SNAP91: variants seen among roughly 807,000 people sequenced by gnomAD.
SNAP91 encodes synaptosome associated protein 91, also known as clathrin coat assembly protein AP180.
Under a neutral mutation model 100.3 loss-of-function variants are expected in SNAP91, and 27 were observed. The ratio of observed to expected loss-of-function variants is 0.27; its 90% CI spans 0.20 to 0.37. The LOEUF is 0.37. Among genes scored for constraint, SNAP91 ranks in the 10% least tolerant of loss-of-function variants. SNAP91 has a pLI of 1.00. For missense variants in SNAP91, 986 were observed against 1,123.7 expected, an observed-to-expected ratio of 0.88 and a Z score of 1.75; for synonymous variants, 404 against 398.6, an observed-to-expected ratio of 1.01 and a Z score of -0.16.
chr6:83,660,328 A>T (rs373267936), intron 5 of SNAP91, among the ~76,000 whole-genome samples: 7 of 152,228 alleles, frequency 4.6e-5, no homozygotes, highest in African/African-American at 1.4e-4. Flanking sequence ...TAAAGTATTC[A>T]TCTACAATAA....
rs750966269 is a variant in SNAP91 at position 83,611,863 on chromosome 6, ATTTTTTTTTTTTTTTTT to A, written c.885-1203_885-1187del. On this transcript the variant is annotated intron_variant, in intron 11 of 29. Transcript: ENST00000369694. ...AGGCGCCTGCCACCACGCCCGGCTA[ATTTTTTTTTTTTTTTTT>A]TTTTTTTTTTTTTTGGATTTTTAGT... 4.2e-4 allele frequency among the ~76,000 whole-genome samples: 38 copies of A among 91,260 alleles called. 1 individual carries two copies. Among genetic ancestry groups the A allele is most frequent in the African/African-American group, 1.3e-3 (26 of 20,008 alleles). The allele number at this position is 91,260 out of a possible 152,430, so 59.9% of individuals were successfully genotyped here.
chr6:83,641,117 A>T lies in SNAP91; in HGVS notation c.744T>A (p.Ser248=). 6.5e-7 allele frequency: 1 copy of T among 1,534,692 alleles called. No homozygotes were observed. Among genetic ancestry groups the T allele is most frequent in the Non-Finnish European group, 8.8e-7 (1 of 1,142,816 alleles). Reference sequence around the variant, plus strand: ...TTACCTCTGCAACCTTGAGAAATTCAGACACTCGTGTCATTCTAGTTAGAA... The same window carrying T: ...TTACCTCTGCAACCTTGAGAAATTCTGACACTCGTGTCATTCTAGTTAGAA... ...KRFLTRMTRV[S]EFLKVAEQVG... is the part of the protein sequence containing the mutation. The change falls in exon 8 of 30, where the codon TCT becomes TCA. Residue 248 remains serine (S), a synonymous_variant. Transcript: ENST00000369694.
chr6:83,638,665 AG>A (rs1269909108), intron 8 of SNAP91, among the ~76,000 whole-genome samples: 1 of 152,204 alleles, frequency 6.6e-6, no homozygotes, highest in Non-Finnish European at 1.5e-5. Flanking sequence ...AAATCAGTTC[AG>A]GAAAAGGTGA....
chr6:83,705,712 GAGGC>G (rs1344112002), intron 2 of SNAP91, among the ~76,000 whole-genome samples: 1 of 152,040 alleles, frequency 6.6e-6, no homozygotes, highest in Non-Finnish European at 1.5e-5. Flanking sequence ...TCAGGAGGCT[GAGGC>G]AGGAGAATCA....
chr6:83,708,063 TC>T, intron 1 of SNAP91, 106 bp from the exon 2 acceptor site: 2 of 964,260 alleles, frequency 2.1e-6, no homozygotes, highest in Non-Finnish European at 2.9e-6. Context: ...TCCTCCTCCA[TC>T]CCCACCCTGG....
rs371120588 is a variant in SNAP91 at position 83,556,186 on chromosome 6, T to C, written c.2691A>G (p.Pro897=). The change falls in exon 29 of 30, where the codon CCA becomes CCG. Residue 897 remains proline, a synonymous_variant. Transcript: ENST00000369694. ...AATCCTTGATGTTAAGATCCGCTAATGGGTCCTTTGCTGGAGGTTTCTTGG... is the reference window on the plus strand; with the variant it reads ...AATCCTTGATGTTAAGATCCGCTAACGGGTCCTTTGCTGGAGGTTTCTTGG... The part of the protein sequence containing the change: ...QSPKKPPAKD[P]LADLNIKDFL The C allele has an allele frequency of 1.3e-6, 2 of 1,573,678 alleles. No individual in the cohort carries two copies. Among genetic ancestry groups the C allele is most frequent in the Non-Finnish European group, 1.7e-6 (2 of 1,159,258 alleles).
chr6:83,645,216 C>G (rs951405766), intron 7 of SNAP91, among the ~76,000 whole-genome samples: 1 of 151,536 alleles, frequency 6.6e-6, no homozygotes, highest in African/African-American at 2.4e-5. Flanking sequence ...ACCATAGTGA[C>G]TATGCACAGG....
At chr6:83,631,348 G>C (rs11963447) in intron 8 of SNAP91, among the ~76,000 whole-genome samples, 8,048 of 152,176 alleles carry the variant, frequency 0.053, 709 homozygotes, top group African/African-American at 0.18. Flanking sequence ...ATATACATCT[G>C]TTAAGTCCAT....
chr6:83,572,023 C>A (rs145278028), intron 26 of SNAP91, among the ~76,000 whole-genome samples: 1 of 152,242 alleles, frequency 6.6e-6, no homozygotes, highest in Non-Finnish European at 1.5e-5. Context: ...CCTTGTCTTC[C>A]GCCATGATTG....
At chr6:83,632,346 C>A (rs1003197733) in intron 8 of SNAP91, among the ~76,000 whole-genome samples, 2 of 152,122 alleles carry the variant, frequency 1.3e-5, no homozygotes, top group African/African-American at 4.8e-5. Context: ...TAACATTAGA[C>A]AACCTGATGA....
chr6:83,691,772 CT>C (rs1353042136), intron 2 of SNAP91, among the ~76,000 whole-genome samples: 6 of 152,076 alleles, frequency 3.9e-5, no homozygotes, highest in Non-Finnish European at 7.4e-5. Flanking sequence ...AAGCAATAAT[CT>C]TCGTTAACAA....
At chr6:83,673,834 T>G (rs2098822800) in intron 2 of SNAP91, among the ~76,000 whole-genome samples, 1 of 152,192 alleles carries the variant, frequency 6.6e-6, no homozygotes. Flanking sequence ...TAGCTAGATA[T>G]GTAAGCAGCA....
At chr6:83,621,432 C>T (rs1470698511) in intron 9 of SNAP91, among the ~76,000 whole-genome samples, 3 of 152,066 alleles carry the variant, frequency 2.0e-5, no homozygotes, top group Non-Finnish European at 4.4e-5. Context: ...TGAATTTCTA[C>T]CATAGAATAG....
At chr6:83,699,189 A>G (rs2099260853) in intron 2 of SNAP91, among the ~76,000 whole-genome samples, 1 of 152,178 alleles carries the variant, frequency 6.6e-6, no homozygotes, top group Non-Finnish European at 1.5e-5. Flanking sequence ...AAATTACAAA[A>G]CACATGAGGA....
intron 4 of SNAP91, among the ~76,000 whole-genome samples, chr6:83,661,828 AAT>A (rs1400980236): frequency 6.6e-6 from 1 of 152,212 alleles, no homozygotes; most frequent in African/African-American, 2.4e-5. Flanking sequence ...TCCAGTACAG[AAT>A]ATGTTTTTAA....
intron 14 of SNAP91, among the ~76,000 whole-genome samples, chr6:83,603,461 C>T (rs11754643): frequency 0.17 from 26,419 of 151,718 alleles, 2,932 homozygotes; most frequent in South Asian, 0.27. Context: ...AACTACTGGG[C>T]TTAAGTGAGA....
In SNAP91 at chr6:83,607,813, A is replaced by T; in HGVS notation, c.913-5T>A. ...AACAGTTGTGGCTGGAGAAGACTGA[A>T]AGTGAAGATGCACAACACACTTGAG... On this transcript the variant is annotated splice_polypyrimidine_tract_variant and splice_region_variant and intron_variant, in intron 12 of 29. Coordinates refer to ENST00000369694, the MANE Select transcript of SNAP91 (RefSeq NM_001242792.2). 6.4e-7 allele frequency: 1 copy of T among 1,550,482 alleles called. No individual in the cohort carries two copies.
At chr6:83,673,170 C>A (rs2098812329) in intron 2 of SNAP91, among the ~76,000 whole-genome samples, 1 of 151,454 alleles carries the variant, frequency 6.6e-6, no homozygotes, top group Non-Finnish European at 1.5e-5. Flanking sequence ...TCATTCCTTC[C>A]TTCTTCTCTT....
intron 2 of SNAP91, among the ~76,000 whole-genome samples, chr6:83,687,394 A>C (rs143408359): frequency 1.1e-4 from 17 of 152,320 alleles, no homozygotes; most frequent in African/African-American, 4.1e-4. Context: ...AATTCAACTA[A>C]AATATAAGTG....
Sources: gnomAD v4.1 joint callset for allele counts (sites outside exome capture counted in the v4.1 genomes callset) on GRCh38, gnomAD v4.1.1 for gene constraint, MANE v1.5 for transcripts, NCBI Gene and HGNC (gene_info 2026-07-23, HGNC 2026-07-21) for gene names.